Variants in GUCY1A1 observed in about 807,000 individuals in gnomAD.
The protein encoded by GUCY1A1 is guanylate cyclase 1 soluble subunit alpha 1.
A neutral mutation model predicts 64.5 loss-of-function variants in GUCY1A1; 48 were observed. The observed-to-expected ratio is 0.74, with a 90% CI of 0.59 to 0.95. The LOEUF (loss-of-function observed/expected upper bound fraction) is 0.95, where lower values mean the gene tolerates loss of function less well. Ranked by LOEUF, GUCY1A1 falls within the 40% of genes least tolerant of loss-of-function variation. The pLI is 0.00. For missense variants in GUCY1A1, 804 were observed against 825.3 expected, an observed-to-expected ratio of 0.97 and a Z score of 0.32; for synonymous variants, 308 against 303.4, an observed-to-expected ratio of 1.02 and a Z score of -0.16.
chr4:155,682,300 T>C (rs1579014142), intron 2 of GUCY1A1, among the ~76,000 whole-genome samples: 1 of 152,328 alleles, frequency 6.6e-6, no homozygotes, highest in East Asian at 1.9e-4. Flanking sequence ...ATATTTCTTA[T>C]AAACAGTTTT....
chr4:155,708,996 C>G (rs1381386208), intron 5 of GUCY1A1, among the ~76,000 whole-genome samples: 1 of 151,996 alleles, frequency 6.6e-6, no homozygotes, highest in African/African-American at 2.4e-5. Flanking sequence ...TAACTAACTC[C>G]ATCTTTAAAA....
intron 2 of GUCY1A1, among the ~76,000 whole-genome samples, chr4:155,689,856 T>G (rs976489283): frequency 6.6e-6 from 1 of 152,182 alleles, no homozygotes; most frequent in Non-Finnish European, 1.5e-5. Context: ...AGAGTTGACC[T>G]CTCTGTTTTG....
intron 2 of GUCY1A1, among the ~76,000 whole-genome samples, chr4:155,676,380 A>G (rs1579000165): frequency 6.7e-6 from 1 of 149,662 alleles, no homozygotes; most frequent in Non-Finnish European, 1.5e-5. Context: ...ATTTTTCCAC[A>G]TCGGCATGTT....
Position 155,730,130 on chromosome 4 carries a change from G to A in GUCY1A1, c.1972G>A (p.Asp658Asn), listed in dbSNP as rs199904354. ...AATCCCCGGAATCTGCCATTTTCTG[G>A]ATGCTTACCAACAAGGAACAAACTC... ...SEIPGICHFL[D>N]AYQQGTNSKP... The change falls in exon 10 of 10, where the codon GAT (aspartate) becomes AAT (asparagine). Residue 658 changes from aspartate to asparagine, a missense_variant. Coordinates refer to ENST00000506455, the MANE Select transcript of GUCY1A1 (RefSeq NM_001130682.3). The A allele has an allele frequency of 8.7e-6, 14 of 1,611,588 alleles. No homozygotes were observed. In the East Asian group the frequency reaches 2.7e-4, roughly 31 times the overall value.
intron 4 of GUCY1A1, among the ~76,000 whole-genome samples, chr4:155,704,799 C>T (rs1731520614): frequency 2.0e-5 from 3 of 151,986 alleles, no homozygotes; most frequent in Admixed American, 2.0e-4. Context: ...TCACTGCTGC[C>T]CAGAACTCCT....
chr4:155,731,753 C>G lies in GUCY1A1; in HGVS notation c.*1522C>G, dbSNP rs758197923. On this transcript the variant is annotated 3_prime_UTR_variant, in exon 10 of 10. Transcript: ENST00000506455. ...TTCTGAGAAATAACTCAGTTTAAAA[C>G]TTCTTTAACTGCCTCCCTTAGTACC... is the stretch of plus-strand genomic sequence containing the variant. 2.0e-5 allele frequency: 3 copies of G among 151,910 alleles called. No individual in the cohort carries two copies. The highest frequency in any genetic ancestry group is 6.6e-5 in the Admixed American group (1 of 15,202). The allele number at this position is 151,910 out of a possible 1,614,324, so 9.4% of individuals were successfully genotyped here. A position where few individuals can be genotyped will look rare whatever the true frequency, so the allele number is the denominator to read the frequency against.
chr4:155,708,378 G>T, intron 5 of GUCY1A1, 84 bp downstream of exon 5: 2 of 745,466 alleles, frequency 2.7e-6, no homozygotes, highest in African/African-American at 1.7e-5. Flanking sequence ...ATATTTATTT[G>T]TTGGTGACTC....
At chr4:155,683,481 C>T (rs1187964791) in intron 2 of GUCY1A1, among the ~76,000 whole-genome samples, 1 of 152,164 alleles carries the variant, frequency 6.6e-6, no homozygotes, top group Non-Finnish European at 1.5e-5. Flanking sequence ...TATTGGCAGT[C>T]CCAAAGTTGG....
intron 3 of GUCY1A1, among the ~76,000 whole-genome samples, chr4:155,700,625 T>C (rs1423333869): frequency 6.6e-6 from 1 of 152,156 alleles, no homozygotes. Flanking sequence ...AATTGTTTAG[T>C]CAAGAGAAAC....
chr4:155,679,565 C>G (rs1439774607), intron 2 of GUCY1A1, among the ~76,000 whole-genome samples: 1 of 152,154 alleles, frequency 6.6e-6, no homozygotes, highest in Non-Finnish European at 1.5e-5. Context: ...CTTGAAGGAA[C>G]TAGTAGAGCA....
At position 155,736,685 on chromosome 4, in the gene GUCY1A1, T is replaced by C. The variant is rs985313211; in HGVS notation, c.*6454T>C. ...GTAAAATGATTCATGGGGTTTCACA[T>C]ACAGACAAGTAGTTTTCTTTTCAGC... On this transcript the variant is annotated 3_prime_UTR_variant, in exon 10 of 10. Transcript: ENST00000506455. 3 of 152,026 alleles carry C rather than the reference T, an allele frequency of 2.0e-5. No individual in the cohort carries two copies. In the East Asian group the frequency reaches 5.8e-4, roughly 29 times the overall value. 9.4% of individuals were successfully genotyped at this position (152,026 alleles called of 1,614,324 possible). A position where few individuals can be genotyped will look rare whatever the true frequency, so the allele number is the denominator to read the frequency against.
chr4:155,674,460 AAT>A (rs1734615667), intron 2 of GUCY1A1, among the ~76,000 whole-genome samples: 1 of 151,586 alleles, frequency 6.6e-6, no homozygotes, highest in Non-Finnish European at 1.5e-5. Flanking sequence ...GTAAAAAAAA[AAT>A]GTTTAAAATA....
chr4:155,694,684 T>C (rs1418216360), intron 2 of GUCY1A1, among the ~76,000 whole-genome samples: 1 of 152,198 alleles, frequency 6.6e-6, no homozygotes, highest in East Asian at 1.9e-4. Context: ...TAGGGTTGAA[T>C]ACTTGCAATA....
intron 2 of GUCY1A1, among the ~76,000 whole-genome samples, chr4:155,686,429 C>T (rs193185744): frequency 9.8e-5 from 15 of 152,328 alleles, no homozygotes; most frequent in African/African-American, 3.4e-4. Flanking sequence ...TGCAGTGAGC[C>T]AGGAGTGTGC....
At chr4:155,682,390 A>T (rs927692511) in intron 2 of GUCY1A1, among the ~76,000 whole-genome samples, 4 of 152,202 alleles carry the variant, frequency 2.6e-5, no homozygotes, top group Non-Finnish European at 5.9e-5. Flanking sequence ...TACATAAGAA[A>T]ATTCGACTGG....
chr4:155,730,013 T>C lies in GUCY1A1; in HGVS notation c.1872-17T>C, dbSNP rs139969686. ...TGGACAAACATTTATGTCAGTATTATATTTTAATATTTTCAGATTACTCAA... is the reference window on the plus strand; with the variant it reads ...TGGACAAACATTTATGTCAGTATTACATTTTAATATTTTCAGATTACTCAA... On this transcript the variant is annotated splice_polypyrimidine_tract_variant and intron_variant, in intron 9 of 9. Transcript: ENST00000506455. 79 of 1,469,078 alleles carry C rather than the reference T, an allele frequency of 5.4e-5. No individual in the cohort carries two copies. The African/African-American group carries it at 5.8e-4, about 11-fold the overall frequency. 91.0% of individuals were successfully genotyped at this position (1,469,078 alleles called of 1,614,324 possible). A position where few individuals can be genotyped will look rare whatever the true frequency, so the allele number is the denominator to read the frequency against.
intron 9 of GUCY1A1, among the ~76,000 whole-genome samples, chr4:155,728,976 T>A (rs2110747136): frequency 6.6e-6 from 1 of 151,980 alleles, no homozygotes; most frequent in Non-Finnish European, 1.5e-5. Flanking sequence ...TTTTCATTAG[T>A]TTTATTGTTT....
rs749726839 is a variant in GUCY1A1, at chr4:155,708,335, C to T, written c.376+41C>T. 3.0e-6 allele frequency: 3 copies of T among 989,982 alleles called. No homozygotes were observed. The South Asian group carries it at 4.1e-5, about 13-fold the overall frequency. 61.3% of individuals were successfully genotyped at this position (989,982 alleles called of 1,614,324 possible). On this transcript the variant is annotated intron_variant, in intron 5 of 9. Transcript: ENST00000506455. Reference sequence around the variant, plus strand: ...ATGTAATTAGAAAGTATGCCATATACCTGTAGAACTCACATTTTCTCCAAA... The same window carrying T: ...ATGTAATTAGAAAGTATGCCATATATCTGTAGAACTCACATTTTCTCCAAA...
At chr4:155,694,784 T>C (rs1012472173) in intron 2 of GUCY1A1, among the ~76,000 whole-genome samples, 2 of 152,234 alleles carry the variant, frequency 1.3e-5, no homozygotes, top group Non-Finnish European at 1.5e-5. Context: ...AAGCTGATCA[T>C]TGATTTGAAG....
Sources: allele counts gnomAD v4.1 joint callset (sites outside exome capture counted in the v4.1 genomes callset), GRCh38; gene constraint gnomAD v4.1.1; transcripts MANE v1.5; gene names NCBI Gene and HGNC (gene_info 2026-07-23, HGNC 2026-07-21).